Variants in ROBO1 observed in about 807,000 individuals in gnomAD.
ROBO1 encodes roundabout homolog 1.
ROBO1 carries 149 observed loss-of-function variants against 195.9 expected under a neutral mutation model. The observed-to-expected ratio is 0.76, with a 90% confidence interval of 0.67 to 0.87. The LOEUF is 0.87. Ranked by LOEUF, ROBO1 falls within the 40% of genes least tolerant of loss-of-function variation. The pLI is 0.00. For missense variants in ROBO1, 1,933 were observed against 2,068.3 expected (o/e 0.93, Z 1.27); for synonymous variants, 816 against 733.2 (o/e 1.11, Z -1.82).
At chr3:79,557,795 A>T (rs1448001818) in intron 2 of ROBO1, among the ~76,000 whole-genome samples, 1 of 144,928 alleles carries the variant, frequency 6.9e-6, no homozygotes, top group Non-Finnish European at 1.5e-5. Context: ...TTGTGTCTGT[A>T]TTTCCCATTA....
intron 3 of ROBO1, among the ~76,000 whole-genome samples, chr3:79,052,935 T>A (rs1023452608): frequency 3.9e-5 from 6 of 152,024 alleles, no homozygotes; most frequent in Non-Finnish European, 5.9e-5. Context: ...TGCTTATCTC[T>A]GCTATATTAA....
intron 4 of ROBO1, among the ~76,000 whole-genome samples, chr3:78,819,286 T>C (rs969397752): frequency 2.6e-5 from 4 of 152,126 alleles, no homozygotes; most frequent in Non-Finnish European, 5.9e-5. Context: ...GATTAGTGCT[T>C]TCTGACTCTT....
chr3:79,573,821 A>C (rs1474708361), intron 2 of ROBO1, among the ~76,000 whole-genome samples: 1 of 152,206 alleles, frequency 6.6e-6, no homozygotes, highest in African/African-American at 2.4e-5. Context: ...ATCAATCAAA[A>C]ACCCAAGATA....
At chr3:79,040,687 T>A (rs568998452) in intron 3 of ROBO1, among the ~76,000 whole-genome samples, 1 of 152,290 alleles carries the variant, frequency 6.6e-6, no homozygotes, top group East Asian at 1.9e-4. Flanking sequence ...CTATACCCCT[T>A]GTTGTAGACA....
intron 2 of ROBO1, among the ~76,000 whole-genome samples, chr3:79,460,750 CCTTTTTTT>C (rs757477293): frequency 4.6e-5 from 7 of 152,062 alleles, no homozygotes; most frequent in East Asian, 1.9e-4. Context: ...TTTCTTTTTT[CCTTTTTTT>C]CTTTTTTGAG....
chr3:79,453,878 G>C (rs1261062120), intron 2 of ROBO1, among the ~76,000 whole-genome samples: 2 of 152,074 alleles, frequency 1.3e-5, no homozygotes, highest in African/African-American at 2.4e-5. Flanking sequence ...GGAGAAGAAG[G>C]CTCTGACAAC....
intron 2 of ROBO1, among the ~76,000 whole-genome samples, chr3:79,502,522 G>C (rs192042801): frequency 6.6e-6 from 1 of 152,092 alleles, no homozygotes; most frequent in Non-Finnish European, 1.5e-5. Context: ...ATGGGCTCCT[G>C]CACGGCCTGA....
At chr3:79,504,586 A>G (rs766996393) in intron 2 of ROBO1, among the ~76,000 whole-genome samples, 7 of 152,168 alleles carry the variant, frequency 4.6e-5, no homozygotes, top group Non-Finnish European at 1.0e-4. Context: ...TAATTTAACA[A>G]TTATTTTAGA....
intron 3 of ROBO1, among the ~76,000 whole-genome samples, chr3:79,017,163 T>C (rs993756460): frequency 1.3e-5 from 2 of 152,220 alleles, no homozygotes; most frequent in Non-Finnish European, 2.9e-5. Flanking sequence ...CAAATCTTCC[T>C]TGTAACTTTC....
intron 4 of ROBO1, among the ~76,000 whole-genome samples, chr3:78,886,958 T>C (rs1003119921): frequency 1.3e-5 from 2 of 152,182 alleles, no homozygotes; most frequent in African/African-American, 4.8e-5. Flanking sequence ...ATGTGCCTAA[T>C]TGTTAATAAC....
At chr3:78,992,810 C>A (rs1378734304) in intron 3 of ROBO1, among the ~76,000 whole-genome samples, 1 of 152,136 alleles carries the variant, frequency 6.6e-6, no homozygotes, top group Non-Finnish European at 1.5e-5. Context: ...TCATGAAATT[C>A]AAGCATGTCT....
At chr3:79,482,344 G>A (rs1472378551) in intron 2 of ROBO1, among the ~76,000 whole-genome samples, 4 of 152,234 alleles carry the variant, frequency 2.6e-5, no homozygotes, top group Admixed American at 6.5e-5. Context: ...CCTATGTCTT[G>A]TGGGAGGGAT....
chr3:79,182,336 C>G (rs2081355576), intron 2 of ROBO1, among the ~76,000 whole-genome samples: 1 of 152,186 alleles, frequency 6.6e-6, no homozygotes, highest in Non-Finnish European at 1.5e-5. Context: ...GCTCCAGAAA[C>G]TAAAAATGCC....
At chr3:79,335,821 A>T (rs954839327) in intron 2 of ROBO1, among the ~76,000 whole-genome samples, 2 of 152,226 alleles carry the variant, frequency 1.3e-5, no homozygotes, top group East Asian at 3.9e-4. Flanking sequence ...AGACAGGAAG[A>T]TGTGGGAAAC....
Position 79,212,192 on chromosome 3 carries a change from C to T in ROBO1, c.89-86653G>A, listed in dbSNP as rs530544915. Among the ~76,000 whole-genome samples the T allele has an allele frequency of 5.3e-4, 81 of 152,222 alleles. 1 individual carries two copies. Among genetic ancestry groups the T allele is most frequent in the Non-Finnish European group, 7.4e-5 (5 of 68,012 alleles). ...GTAAACCCACAAACTTCAGCGTGGG[C>T]GTCATGGCCATCACGAACTTGTCAC... On this transcript the variant is annotated intron_variant, in intron 2 of 30. Coordinates refer to ENST00000464233, the MANE Select transcript of ROBO1 (RefSeq NM_002941.4).
At chr3:79,379,717 C>G (rs2036506061) in intron 2 of ROBO1, among the ~76,000 whole-genome samples, 1 of 152,126 alleles carries the variant, frequency 6.6e-6, no homozygotes, top group Admixed American at 6.5e-5. Flanking sequence ...ACATCTAATA[C>G]TTCCATAGAA....
intron 1 of ROBO1, among the ~76,000 whole-genome samples, chr3:79,737,662 A>AAG (rs1703446263): frequency 1.3e-5 from 2 of 151,908 alleles, no homozygotes; most frequent in Non-Finnish European, 2.9e-5. Context: ...CTATCAAAAA[A>AAG]AAAAATCCCA....
intron 28 of ROBO1, among the ~76,000 whole-genome samples, chr3:78,612,944 T>C (rs1703904569): frequency 6.6e-6 from 1 of 152,188 alleles, no homozygotes; most frequent in Non-Finnish European, 1.5e-5. Flanking sequence ...TGAAATTAAT[T>C]TAAAACATAA....
At chr3:79,194,278 A>G (rs2081591623) in intron 2 of ROBO1, among the ~76,000 whole-genome samples, 1 of 151,656 alleles carries the variant, frequency 6.6e-6, no homozygotes, top group Admixed American at 6.6e-5. Flanking sequence ...CATTGTATGT[A>G]CTGTTGCTCA....
Sources: allele counts gnomAD v4.1 joint callset (sites outside exome capture counted in the v4.1 genomes callset), GRCh38; gene constraint gnomAD v4.1.1; transcripts MANE v1.5; gene names NCBI Gene and HGNC (gene_info 2026-07-23, HGNC 2026-07-21).